Variants in CABCOCO1 observed in about 807,000 individuals in gnomAD.
CABCOCO1 encodes the protein ciliary-associated calcium-binding coiled-coil protein 1.
CABCOCO1 carries 28 observed loss-of-function variants against 35.7 expected under a neutral mutation model. The ratio of observed to expected loss-of-function variants is 0.78; its 90% CI spans 0.58 to 1.07. CABCOCO1 has a LOEUF of 1.07. Ranked by LOEUF, CABCOCO1 falls within the 50% of genes least tolerant of loss-of-function variation. CABCOCO1 has a pLI of 0.00. For missense variants in CABCOCO1, 326 were observed against 309.2 expected, an observed-to-expected ratio of 1.05 and a Z score of -0.41; for synonymous variants, 95 against 100.1, an observed-to-expected ratio of 0.95 and a Z score of 0.30.
intron 5 of CABCOCO1, among the ~76,000 whole-genome samples, chr10:61,758,746 T>G (rs949689974): frequency 3.3e-5 from 5 of 152,026 alleles, no homozygotes; most frequent in Non-Finnish European, 5.9e-5. Flanking sequence ...TTCCAAATCT[T>G]TTTGCCTATA....
In CABCOCO1 at chr10:61,697,987, C is replaced by T. The variant is rs551715738; in HGVS notation, c.552+7366C>T. ...GGTGCTATAACATCCCAAATTTTCC[C>T]CAAGAAAATAAAATTTCTATCATGA... On this transcript the variant is annotated intron_variant, in intron 5 of 7. Coordinates refer to ENST00000648843, the MANE Select transcript of CABCOCO1 (RefSeq NM_001366906.2). Among the ~76,000 whole-genome samples, 120 of 151,964 alleles carry T rather than the reference C, an allele frequency of 7.9e-4. 1 individual carries two copies. In the South Asian group the frequency reaches 0.022, roughly 28 times the overall value.
intron 5 of CABCOCO1, among the ~76,000 whole-genome samples, chr10:61,693,156 A>G (rs1480666116): frequency 6.8e-6 from 1 of 147,656 alleles, no homozygotes; most frequent in Non-Finnish European, 1.5e-5. Context: ...AGCTGACCAG[A>G]GCAATAAAAA....
In CABCOCO1 at chr10:61,760,193, T is replaced by C. The variant is rs200559290; in HGVS notation, c.675+12T>C. The stretch of plus-strand genomic sequence containing the variant: ...ATACGGAAATGAAGGTATATTTCTT[T>C]TTGTCTTTCCATTCACCCTACCTCA... On this transcript the variant is annotated intron_variant, in intron 6 of 7. Coordinates refer to ENST00000648843, the MANE Select transcript of CABCOCO1 (RefSeq NM_001366906.2). The C allele has an allele frequency of 2.0e-5, 33 of 1,609,938 alleles. No homozygotes were observed. Among genetic ancestry groups the C allele is most frequent in the Middle Eastern group, 1.7e-4 (1 of 6,032 alleles).
chr10:61,750,247 T>C (rs187055132), intron 5 of CABCOCO1, among the ~76,000 whole-genome samples: 27 of 152,272 alleles, frequency 1.8e-4, no homozygotes, highest in African/African-American at 5.5e-4. Flanking sequence ...AACTACACTG[T>C]GTCTAAAAAA....
chr10:61,686,777 G>A (rs1244575935), intron 4 of CABCOCO1, among the ~76,000 whole-genome samples: 1 of 152,176 alleles, frequency 6.6e-6, no homozygotes, highest in Non-Finnish European at 1.5e-5. Context: ...GTGTGTGGAA[G>A]TAAAGTATTT....
intron 5 of CABCOCO1, among the ~76,000 whole-genome samples, chr10:61,745,847 A>C (rs1841644088): frequency 6.6e-6 from 1 of 152,236 alleles, no homozygotes; most frequent in Admixed American, 6.5e-5. Flanking sequence ...TTCTTTAAAA[A>C]GGAGGAGATG....
At chr10:61,668,394 C>T (rs1839255239) in intron 1 of CABCOCO1, among the ~76,000 whole-genome samples, 1 of 151,906 alleles carries the variant, frequency 6.6e-6, no homozygotes, top group Non-Finnish European at 1.5e-5. Flanking sequence ...AAATATTAGA[C>T]TAACATAGAA....
At chr10:61,663,514 A>T (rs1351954622) in intron 1 of CABCOCO1, among the ~76,000 whole-genome samples, 1 of 152,076 alleles carries the variant, frequency 6.6e-6, no homozygotes, top group African/African-American at 2.4e-5. Context: ...ATAACTGTTT[A>T]CTGGTGATGG....
At chr10:61,700,296 G>C (rs2132012814) in intron 5 of CABCOCO1, among the ~76,000 whole-genome samples, 1 of 151,944 alleles carries the variant, frequency 6.6e-6, no homozygotes, top group African/African-American at 2.4e-5. Context: ...AAAATTTCCA[G>C]TATAAATGAC....
chr10:61,723,400 A>G (rs1187373102), intron 5 of CABCOCO1, among the ~76,000 whole-genome samples: 2 of 152,250 alleles, frequency 1.3e-5, no homozygotes, highest in Non-Finnish European at 2.9e-5. Flanking sequence ...AAGCATTCCC[A>G]TTAAAAATGA....
At chr10:61,689,175 C>T (rs1840056072) in intron 4 of CABCOCO1, among the ~76,000 whole-genome samples, 1 of 152,114 alleles carries the variant, frequency 6.6e-6, no homozygotes, top group African/African-American at 2.4e-5. Flanking sequence ...AAGCTGTTTC[C>T]AAAATACTCT....
intron 5 of CABCOCO1, among the ~76,000 whole-genome samples, chr10:61,737,061 TATAG>T (rs892933477): frequency 1.3e-5 from 2 of 152,178 alleles, no homozygotes; most frequent in African/African-American, 4.8e-5. Flanking sequence ...TATGGGGTTT[TATAG>T]ATAGAGAATT....
chr10:61,709,461 AT>A lies in CABCOCO1; in HGVS notation c.552+18849del, dbSNP rs1223191095. ...ATTAAATTATGGCTACCATGTTTGGATTTTTTTTTAGCTTTATGCCATAGCC... is the reference window on the plus strand; with the variant it reads ...ATTAAATTATGGCTACCATGTTTGGATTTTTTTTAGCTTTATGCCATAGCC... On this transcript the variant is annotated intron_variant, in intron 5 of 7. Coordinates refer to ENST00000648843, the MANE Select transcript of CABCOCO1 (RefSeq NM_001366906.2). 2.6e-5 allele frequency among the ~76,000 whole-genome samples: 4 copies of A among 151,284 alleles called. No homozygotes were observed. The East Asian group carries it at 5.8e-4, about 22-fold the overall frequency.
At chr10:61,704,861 A>C (rs1235992982) in intron 5 of CABCOCO1, among the ~76,000 whole-genome samples, 1 of 140,918 alleles carries the variant, frequency 7.1e-6, no homozygotes, top group African/African-American at 2.7e-5. Context: ...TGCACAACCC[A>C]CTCTAGCCTC....
At chr10:61,745,717 C>T (rs1046157593) in intron 5 of CABCOCO1, among the ~76,000 whole-genome samples, 1 of 152,198 alleles carries the variant, frequency 6.6e-6, no homozygotes, top group African/African-American at 2.4e-5. Context: ...TTCTTTTAAA[C>T]GTGTGATGTG....
chr10:61,761,967 T>A (rs1009415283), intron 7 of CABCOCO1, among the ~76,000 whole-genome samples: 1 of 152,114 alleles, frequency 6.6e-6, no homozygotes, highest in Admixed American at 6.6e-5. Context: ...GTGTTTAGTG[T>A]TTACCAGAAA....
chr10:61,735,830 T>C (rs1378140544), intron 5 of CABCOCO1, among the ~76,000 whole-genome samples: 1 of 152,144 alleles, frequency 6.6e-6, no homozygotes, highest in Non-Finnish European at 1.5e-5. Flanking sequence ...AGTTCTGAAG[T>C]AATGTGGTTC....
At chr10:61,695,229 C>G (rs981448534) in intron 5 of CABCOCO1, among the ~76,000 whole-genome samples, 6 of 149,210 alleles carry the variant, frequency 4.0e-5, no homozygotes, top group Non-Finnish European at 4.5e-5. Context: ...AATTAAAAAC[C>G]AAATGGATGT....
rs1006702917 is a variant in CABCOCO1 at position 61,679,744 on chromosome 10, G to T, written c.165-1399G>T. ...AAAAATAGGAGAGGAACAGGAAAGA[G>T]AAATAGCAAATCAAACACATCAGAA... On this transcript the variant is annotated intron_variant, in intron 2 of 7. Coordinates refer to ENST00000648843, the MANE Select transcript of CABCOCO1 (RefSeq NM_001366906.2). 2.8e-4 allele frequency among the ~76,000 whole-genome samples: 43 copies of T among 152,000 alleles called. 1 individual carries two copies. The highest frequency in any genetic ancestry group is 4.4e-5 in the Non-Finnish European group (3 of 67,986).
Sources: gnomAD v4.1 joint callset for allele counts (sites outside exome capture counted in the v4.1 genomes callset) on GRCh38, gnomAD v4.1.1 for gene constraint, MANE v1.5 for transcripts, NCBI Gene and HGNC (gene_info 2026-07-23, HGNC 2026-07-21) for gene names.